FBXO40: variants seen among roughly 807,000 people sequenced by gnomAD.
The protein encoded by FBXO40 is F-box protein 40.
In FBXO40, 50 loss-of-function variants were observed where a neutral mutation model predicts 49.9. The observed-to-expected ratio is 1.00, with a 90% confidence interval of 0.80 to 1.27. The LOEUF is 1.27. Among genes scored for constraint, FBXO40 ranks in the 50% most tolerant of loss-of-function variants. The pLI is 0.00. For synonymous variants in FBXO40, 340 were observed against 320.2 expected (o/e 1.06, Z -0.66); for missense variants, 895 against 870.1 (o/e 1.03, Z -0.36).
chr3:121,623,358 A>C lies in FBXO40; in HGVS notation c.1914+15A>C, dbSNP rs751208220. On this transcript the variant is annotated intron_variant, in intron 3 of 3. Coordinates refer to ENST00000338040, the MANE Select transcript of FBXO40 (RefSeq NM_016298.4). The stretch of plus-strand genomic sequence containing the variant: ...TCCACAGAGAGGTAAGTAAACACTC[A>C]TTTATTGATTGACTCATTCAGCAAT... 2.5e-6 allele frequency: 4 copies of C among 1,585,660 alleles called. No individual in the cohort carries two copies. The highest frequency in any genetic ancestry group is 3.4e-6 in the Non-Finnish European group (4 of 1,162,046).
chr3:121,607,134 G>A lies in FBXO40; in HGVS notation c.-30-13412G>A, dbSNP rs553911347. On this transcript the variant is annotated intron_variant, in intron 1 of 3. Coordinates refer to ENST00000338040, the MANE Select transcript of FBXO40 (RefSeq NM_016298.4). Reference sequence around the variant, plus strand: ...ACAAAAATTAGCTGGGCATAGTGGTGCATGCCTGTAGTCCCAGCTACTTGG... The same window carrying A: ...ACAAAAATTAGCTGGGCATAGTGGTACATGCCTGTAGTCCCAGCTACTTGG... Among the ~76,000 whole-genome samples the A allele has an allele frequency of 1.6e-3, 236 of 151,682 alleles. 1 individual carries two copies. The highest frequency in any genetic ancestry group is 2.9e-3 in the Non-Finnish European group (199 of 67,866).
intron 1 of FBXO40, among the ~76,000 whole-genome samples, chr3:121,609,347 G>A (rs936596442): frequency 2.2e-4 from 34 of 151,374 alleles, no homozygotes; most frequent in East Asian, 7.7e-4. Context: ...GCAATTTAAC[G>A]GTAGTATTAT....
intron 1 of FBXO40, among the ~76,000 whole-genome samples, chr3:121,610,951 T>C (rs918912836): frequency 1.3e-5 from 2 of 152,260 alleles, no homozygotes; most frequent in Non-Finnish European, 2.9e-5. Context: ...CAGGAACTGC[T>C]GTACCTCCTA....
At position 121,626,769 on chromosome 3, in the gene FBXO40, C is replaced by G. The variant is rs749733958; in HGVS notation, c.1989C>G (p.His663Gln). ...ATGAAGTCACCTCCATGTCTGAGCA[C>G]CTGAAGTCCTGTCCTTTCAACATTG... ...EFNEVTSMSE[H>Q]LKSCPFNIVE... Residue 663 changes from histidine to glutamine, a missense_variant, in exon 4 of 4, where the codon CAC (histidine) becomes CAG (glutamine). Coordinates refer to ENST00000338040, the MANE Select transcript of FBXO40 (RefSeq NM_016298.4). The G allele has an allele frequency of 6.2e-7, 1 of 1,614,158 alleles. No individual in the cohort carries two copies. The highest frequency in any genetic ancestry group is 8.5e-7 in the Non-Finnish European group (1 of 1,180,038).
chr3:121,614,795 C>A (rs1200826905), intron 1 of FBXO40, among the ~76,000 whole-genome samples: 3 of 152,186 alleles, frequency 2.0e-5, no homozygotes, highest in African/African-American at 4.8e-5. Flanking sequence ...GTTTTCCTTC[C>A]GAGTGGGAGT....
intron 1 of FBXO40, among the ~76,000 whole-genome samples, chr3:121,610,739 A>C (rs527613757): frequency 6.6e-6 from 1 of 152,228 alleles, no homozygotes; most frequent in Admixed American, 6.5e-5. Context: ...TCCCAGATTC[A>C]GGTGAGTTCT....
At position 121,623,016 on chromosome 3, in the gene FBXO40, G is replaced by A; in HGVS notation, c.1587G>A (p.Gly529=). 1.2e-6 allele frequency: 2 copies of A among 1,614,150 alleles called. No homozygotes were observed. Among genetic ancestry groups the A allele is most frequent in the Non-Finnish European group, 1.7e-6 (2 of 1,180,028 alleles). Residue 529 remains glycine, a synonymous_variant, in exon 3 of 4, where the codon GGG becomes GGA. Transcript: ENST00000338040. Reference sequence around the variant, plus strand: ...TTCAAAACCATTTCCGTCCCCCAGGGCAAAAGGCAAAAGTAATCTATAGCC... The same window carrying A: ...TTCAAAACCATTTCCGTCCCCCAGGACAAAAGGCAAAAGTAATCTATAGCC... ...TFVQNHFRPP[G]QKAKVIYSQE...
chr3:121,604,350 T>G (rs1371077483), intron 1 of FBXO40, among the ~76,000 whole-genome samples: 1 of 152,168 alleles, frequency 6.6e-6, no homozygotes, highest in Non-Finnish European at 1.5e-5. Context: ...TAAAACATGA[T>G]ATATGAGTAC....
In FBXO40 at chr3:121,626,817, T is replaced by C. The variant is rs948079115; in HGVS notation, c.2037T>C (p.Ile679=). 9 of 1,614,034 alleles carry C rather than the reference T, an allele frequency of 5.6e-6. No homozygotes were observed. The highest frequency in any genetic ancestry group is 2.2e-5 in the East Asian group (1 of 44,904). ...FNIVEHKTDP[I]LLTSMCQPRE... is the part of the protein sequence containing the mutation. ...TTGTAGAGCACAAAACTGACCCGATTCTTTTGACTAGCATGTGTCAGCCCC... is the reference window on the plus strand; with the variant it reads ...TTGTAGAGCACAAAACTGACCCGATCCTTTTGACTAGCATGTGTCAGCCCC... Residue 679 remains isoleucine (I), a synonymous_variant, in exon 4 of 4, where the codon ATT becomes ATC. Coordinates refer to ENST00000338040, the MANE Select transcript of FBXO40 (RefSeq NM_016298.4).
chr3:121,607,841 A>G (rs1455957218), intron 1 of FBXO40, among the ~76,000 whole-genome samples: 1 of 152,194 alleles, frequency 6.6e-6, no homozygotes, highest in Non-Finnish European at 1.5e-5. Context: ...GGCTGAAGTC[A>G]TCTGTTTTAG....
At chr3:121,597,314 T>G (rs1006247211) in intron 1 of FBXO40, among the ~76,000 whole-genome samples, 1 of 152,084 alleles carries the variant, frequency 6.6e-6, no homozygotes, top group African/African-American at 2.4e-5. Context: ...AGCAGTACTA[T>G]TTGAATTCCT....
In FBXO40 at chr3:121,622,522, G is replaced by A. The variant is rs765905124; in HGVS notation, c.1093G>A (p.Asp365Asn). 13 of 1,614,118 alleles carry A rather than the reference G, an allele frequency of 8.1e-6. No homozygotes were observed. Among genetic ancestry groups the A allele is most frequent in the Non-Finnish European group, 1.1e-5 (13 of 1,180,056 alleles). Residue 365 changes from aspartate (D) to asparagine (N), a missense_variant, in exon 3 of 4, where the codon GAT becomes AAT. Coordinates refer to ENST00000338040, the MANE Select transcript of FBXO40 (RefSeq NM_016298.4). ...SYCGKRARLG[D>N]AMLSCKPSEH... ...CTGTGGAAAGCGAGCTCGACTTGGAGATGCCATGTTGAGTTGTAAGCCAAG... is the reference window on the plus strand; with the variant it reads ...CTGTGGAAAGCGAGCTCGACTTGGAAATGCCATGTTGAGTTGTAAGCCAAG...
At chr3:121,616,548 G>A (rs1214564022) in intron 1 of FBXO40, among the ~76,000 whole-genome samples, 2 of 152,190 alleles carry the variant, frequency 1.3e-5, no homozygotes, top group Non-Finnish European at 2.9e-5. Context: ...ATAGCCACAT[G>A]TGGCTTGTGA....
At position 121,623,265 on chromosome 3, in the gene FBXO40, A is replaced by T. The variant is rs745742906; in HGVS notation, c.1836A>T (p.Gln612His). ...GGAATATCTGTGCCACTTTGTTACAAGAGAGAGGAATGGTCCTTTTGCAAT... is the reference window on the plus strand; with the variant it reads ...GGAATATCTGTGCCACTTTGTTACATGAGAGAGGAATGGTCCTTTTGCAAT... ...LMRNICATLL[Q>H]ERGMVLLQWK... is the part of the protein sequence containing the mutation. Residue 612 changes from glutamine to histidine, a missense_variant, in exon 3 of 4, where the codon CAA becomes CAT. Coordinates refer to ENST00000338040, the MANE Select transcript of FBXO40 (RefSeq NM_016298.4). The T allele has an allele frequency of 6.2e-7, 1 of 1,614,184 alleles. No individual in the cohort carries two copies. Among genetic ancestry groups the T allele is most frequent in the Non-Finnish European group, 8.5e-7 (1 of 1,180,024 alleles).
intron 1 of FBXO40, among the ~76,000 whole-genome samples, chr3:121,611,197 A>G (rs1026622353): frequency 1.3e-5 from 2 of 152,370 alleles, no homozygotes; most frequent in South Asian, 2.1e-4. Flanking sequence ...GACAAAGTAT[A>G]GAGAAACAAC....
At chr3:121,617,318 G>A (rs557622531) in intron 1 of FBXO40, among the ~76,000 whole-genome samples, 23 of 152,136 alleles carry the variant, frequency 1.5e-4, no homozygotes, top group South Asian at 1.5e-3. Context: ...ATTTTGGGCC[G>A]GGCACAGTGG....
chr3:121,594,178 A>ATTAT (rs954866151), intron 1 of FBXO40, among the ~76,000 whole-genome samples: 4 of 149,784 alleles, frequency 2.7e-5, no homozygotes, highest in African/African-American at 4.9e-5. Flanking sequence ...CAGAATTTCT[A>ATTAT]TTATTTATTT....
intron 1 of FBXO40, among the ~76,000 whole-genome samples, chr3:121,597,929 CT>C (rs1471584673): frequency 6.6e-6 from 1 of 152,150 alleles, no homozygotes; most frequent in Non-Finnish European, 1.5e-5. Flanking sequence ...TCCCAAAGTG[CT>C]GGGATTACAG....
chr3:121,611,688 G>C (rs145104961), intron 1 of FBXO40, among the ~76,000 whole-genome samples: 1,774 of 152,270 alleles, frequency 0.012, 43 homozygotes, highest in African/African-American at 0.04. Flanking sequence ...CCCTTTACGG[G>C]TGTCAGGCTT....
Sources: gnomAD v4.1 joint callset for allele counts (sites outside exome capture counted in the v4.1 genomes callset) on GRCh38, gnomAD v4.1.1 for gene constraint, MANE v1.5 for transcripts, NCBI Gene and HGNC (gene_info 2026-07-23, HGNC 2026-07-21) for gene names.